Variants in CPNE8 observed in about 807,000 individuals in gnomAD.
The protein encoded by CPNE8 is copine-8.
Under a neutral mutation model 81.5 loss-of-function variants are expected in CPNE8, and 45 were observed. The ratio of observed to expected loss-of-function variants is 0.55; its 90% CI spans 0.44 to 0.71. CPNE8 has a LOEUF of 0.71. Ranked by LOEUF, CPNE8 falls within the 30% of genes least tolerant of loss-of-function variation. The pLI, the probability that CPNE8 is intolerant of heterozygous loss-of-function variation, is 0.00. For synonymous variants in CPNE8, 252 were observed against 226.3 expected (o/e 1.11, Z -1.02); for missense variants, 594 against 672.1 (o/e 0.88, Z 1.28).
chr12:38,799,397 C>A (rs1440006389), intron 6 of CPNE8, among the ~76,000 whole-genome samples: 1 of 152,266 alleles, frequency 6.6e-6, no homozygotes, highest in Middle Eastern at 3.4e-3. Context: ...GAAACTCACT[C>A]TAAACTGCTC....
Position 38,674,345 on chromosome 12 carries a change from T to C in CPNE8, c.1432+1372A>G, listed in dbSNP as rs185227215. Among the ~76,000 whole-genome samples the C allele has an allele frequency of 2.9e-3, 448 of 152,240 alleles. 3 individuals carry two copies. Among genetic ancestry groups the C allele is most frequent in the Non-Finnish European group, 4.9e-3 (330 of 68,018 alleles). Reference sequence around the variant, plus strand: ...TCATATGCCTAAAGGTGGACTTCCATAGGAGTCTGAGAGACCTGAGATATA... The same window carrying C: ...TCATATGCCTAAAGGTGGACTTCCACAGGAGTCTGAGAGACCTGAGATATA... On this transcript the variant is annotated intron_variant, in intron 18 of 19. Transcript: ENST00000331366.
At chr12:38,736,234 T>TG (rs60702724) in intron 10 of CPNE8, among the ~76,000 whole-genome samples, 13 of 148,714 alleles carry the variant, frequency 8.7e-5, no homozygotes, top group Admixed American at 2.0e-4. Context: ...TGTGTGTGTG[T>TG]TGTGTGTGTA....
chr12:38,773,249 T>C (rs1941845586), intron 7 of CPNE8, among the ~76,000 whole-genome samples: 1 of 152,138 alleles, frequency 6.6e-6, no homozygotes, highest in African/African-American at 2.4e-5. Flanking sequence ...TACAGTATAG[T>C]ACCTATGGTT....
chr12:38,792,753 C>T (rs988191099), intron 6 of CPNE8, among the ~76,000 whole-genome samples: 3 of 151,722 alleles, frequency 2.0e-5, no homozygotes, highest in Non-Finnish European at 4.4e-5. Flanking sequence ...TACCCCAACA[C>T]CAAAGCACAT....
chr12:38,754,675 G>T (rs995382249), intron 10 of CPNE8, among the ~76,000 whole-genome samples: 1 of 151,570 alleles, frequency 6.6e-6, no homozygotes, highest in Non-Finnish European at 1.5e-5. Context: ...AAGAATTATA[G>T]ATTAAAGTGA....
intron 11 of CPNE8, among the ~76,000 whole-genome samples, chr12:38,725,576 C>T (rs967219089): frequency 2.0e-5 from 3 of 152,018 alleles, no homozygotes; most frequent in African/African-American, 7.2e-5. Flanking sequence ...CATCTCAATC[C>T]AAAATATGGA....
At chr12:38,828,821 T>G (rs79460764) in intron 6 of CPNE8, among the ~76,000 whole-genome samples, 1,926 of 152,250 alleles carry the variant, frequency 0.013, 48 homozygotes, top group African/African-American at 0.043. Context: ...CTCCCTGCCT[T>G]ATTTGGAACT....
At chr12:38,695,234 C>A (rs1033196070) in intron 14 of CPNE8, among the ~76,000 whole-genome samples, 3 of 152,202 alleles carry the variant, frequency 2.0e-5, no homozygotes, top group Non-Finnish European at 2.9e-5. Flanking sequence ...CAAGGAGTAT[C>A]TTTCTCAAGG....
intron 6 of CPNE8, among the ~76,000 whole-genome samples, chr12:38,795,902 A>AGAT (rs1565620257): frequency 9.8e-4 from 19 of 19,468 alleles, no homozygotes; most frequent in African/African-American, 2.2e-3. Context: ...GATAGATAGA[A>AGAT]GATAGATAAT....
intron 3 of CPNE8, among the ~76,000 whole-genome samples, chr12:38,863,038 C>A (rs905120054): frequency 3.9e-5 from 6 of 151,918 alleles, no homozygotes; most frequent in Non-Finnish European, 5.9e-5. Flanking sequence ...TTAGAGATAA[C>A]CATCAAAGGC....
rs186945017 is a variant in CPNE8, at chr12:38,738,662, T to C, written c.723-8304A>G. 2.0e-5 allele frequency among the ~76,000 whole-genome samples: 3 copies of C among 152,232 alleles called. 1 individual carries two copies. Among genetic ancestry groups the C allele is most frequent in the Admixed American group, 2.0e-4 (3 of 15,274 alleles). On this transcript the variant is annotated intron_variant, in intron 10 of 19. Coordinates refer to ENST00000331366, the MANE Select transcript of CPNE8 (RefSeq NM_153634.3). ...CTCAGATCTTTCAGATTTGAAAGAA[T>C]TTTCAGCCAGCGGGGGATTGGGTAC...
At chr12:38,897,762 CAA>C (rs1305374385) in intron 1 of CPNE8, among the ~76,000 whole-genome samples, 2 of 151,936 alleles carry the variant, frequency 1.3e-5, no homozygotes, top group African/African-American at 2.4e-5. Context: ...TAGTTTGACG[CAA>C]CAGCGAAGGA....
At chr12:38,834,879 AC>A (rs1334263605) in intron 5 of CPNE8, among the ~76,000 whole-genome samples, 1 of 149,218 alleles carries the variant, frequency 6.7e-6, no homozygotes, top group Admixed American at 6.7e-5. Flanking sequence ...AACATTCCAA[AC>A]TTTTTTTTTT....
chr12:38,820,177 T>C lies in CPNE8; in HGVS notation c.407+9202A>G, dbSNP rs556233834. On this transcript the variant is annotated intron_variant, in intron 6 of 19. Coordinates refer to ENST00000331366, the MANE Select transcript of CPNE8 (RefSeq NM_153634.3). ...ATCCCAGCACTTTGGGAGGCGAAGA[T>C]GGGGGGATCACAAGATCAGGAGTTC... is the stretch of plus-strand genomic sequence containing the variant. Among the ~76,000 whole-genome samples the C allele has an allele frequency of 2.6e-5, 4 of 151,956 alleles. No homozygotes were observed. In the South Asian group the frequency reaches 8.3e-4, roughly 32 times the overall value.
At chr12:38,875,934 T>C (rs961861504) in intron 1 of CPNE8, among the ~76,000 whole-genome samples, 16 of 152,216 alleles carry the variant, frequency 1.1e-4, no homozygotes, top group Non-Finnish European at 1.8e-4. Flanking sequence ...ACAAAGGTAG[T>C]TCTTCACTTA....
rs1161451320 is a variant in CPNE8 at position 38,760,857 on chromosome 12, G to C, written c.712C>G (p.Arg238Gly). The C allele has an allele frequency of 6.3e-7, 1 of 1,588,596 alleles. No homozygotes were observed. The highest frequency in any genetic ancestry group is 1.2e-5 in the South Asian group (1 of 86,746). Residue 238 changes from arginine (R) to glycine (G), a missense_variant, in exon 10 of 20, where the codon CGA (arginine) becomes GGA (glycine). Arg to Gly is a moderately radical substitution (Grantham distance 125). Transcript: ENST00000331366. Reference protein sequence around the residue: ...TIKVEVYDWDRDGSHDFIGEF... With the variant: ...TIKVEVYDWDGDGSHDFIGEF... ...TAAGAACTGTCTTACCTTCCATCTC[G>C]GTCCCAGTCATACACCTCTACTTTG...
At position 38,891,930 on chromosome 12, in the gene CPNE8, T is replaced by C. The variant is rs140317575; in HGVS notation, c.98+13507A>G. ...ATAAAACAAATAGATATTTTTAAAC[T>C]TGGTTGGGGAGACAGGCGTGCAAAA... On this transcript the variant is annotated intron_variant, in intron 1 of 19. Coordinates refer to ENST00000331366, the MANE Select transcript of CPNE8 (RefSeq NM_153634.3). Among the ~76,000 whole-genome samples, 375 of 152,370 alleles carry C rather than the reference T, an allele frequency of 2.5e-3. 1 individual carries two copies. Among genetic ancestry groups the C allele is most frequent in the Non-Finnish European group, 4.1e-3 (282 of 68,038 alleles).
At chr12:38,666,536 G>T (rs7309754) in intron 19 of CPNE8, among the ~76,000 whole-genome samples, 145,621 of 152,190 alleles carry the variant, frequency 0.96, 69,830 homozygotes, top group East Asian at 1. Context: ...GGCTATACGT[G>T]GAGAAATTTG....
intron 19 of CPNE8, among the ~76,000 whole-genome samples, chr12:38,659,095 A>G (rs1280165737): frequency 6.6e-6 from 1 of 152,182 alleles, no homozygotes; most frequent in Admixed American, 6.5e-5. Context: ...ATTAAAAGAC[A>G]CAGACTGGCA....
Sources: allele counts gnomAD v4.1 joint callset (sites outside exome capture counted in the v4.1 genomes callset), GRCh38; gene constraint gnomAD v4.1.1; transcripts MANE v1.5; gene names NCBI Gene and HGNC (gene_info 2026-07-23, HGNC 2026-07-21).